TXNDC16: variants seen among roughly 807,000 people sequenced by gnomAD.
TXNDC16 encodes thioredoxin domain containing 16.
In TXNDC16, 74 loss-of-function variants were observed where a neutral mutation model predicts 85.6. That is an observed-to-expected ratio of 0.86 (90% CI 0.72 to 1.05). The LOEUF (loss-of-function observed/expected upper bound fraction) is 1.05. TXNDC16 is among the 50% of genes least tolerant of loss of function. The pLI, the probability that TXNDC16 is intolerant of heterozygous loss-of-function variation, is 0.00. For missense variants in TXNDC16, 959 were observed against 947.0 expected, an observed-to-expected ratio of 1.01 and a Z score of -0.17; for synonymous variants, 335 against 326.5, an observed-to-expected ratio of 1.03 and a Z score of -0.28.
intron 18 of TXNDC16, among the ~76,000 whole-genome samples, chr14:52,443,942 A>G (rs1419028158): frequency 6.6e-6 from 1 of 152,194 alleles, no homozygotes; most frequent in Non-Finnish European, 1.5e-5. Flanking sequence ...GTGATGGTAG[A>G]AGTTATGGGT....
At chr14:52,454,875 T>C (rs1046169591) in intron 18 of TXNDC16, among the ~76,000 whole-genome samples, 2 of 152,130 alleles carry the variant, frequency 1.3e-5, no homozygotes, top group Admixed American at 6.6e-5. Context: ...GACTAAATAA[T>C]ATACACAAAG....
intron 7 of TXNDC16, among the ~76,000 whole-genome samples, chr14:52,515,183 A>C (rs1382017179): frequency 6.6e-6 from 1 of 152,206 alleles, no homozygotes; most frequent in Non-Finnish European, 1.5e-5. Flanking sequence ...ATTCAGAGGG[A>C]GTAGAAAATG....
chr14:52,507,459 G>T (rs924581295), intron 9 of TXNDC16, among the ~76,000 whole-genome samples: 14 of 152,100 alleles, frequency 9.2e-5, no homozygotes, highest in Non-Finnish European at 1.9e-4. Flanking sequence ...TGGGTAGGAA[G>T]AATCAATATC....
chr14:52,529,549 TA>T (rs2037429254), intron 6 of TXNDC16, among the ~76,000 whole-genome samples: 2 of 96,726 alleles, frequency 2.1e-5, no homozygotes, highest in African/African-American at 8.9e-5. Flanking sequence ...CTATTATATA[TA>T]ATATATATAA....
intron 13 of TXNDC16, 143 bp from the exon 14 acceptor site, chr14:52,482,432 G>T: frequency 1.4e-6 from 1 of 703,590 alleles, no homozygotes; most frequent in Non-Finnish European, 2.3e-6. Context: ...TCTCAACATA[G>T]TCCAACCACT....
chr14:52,476,745 A>G (rs2036028906), intron 14 of TXNDC16, among the ~76,000 whole-genome samples: 1 of 152,200 alleles, frequency 6.6e-6, no homozygotes, highest in South Asian at 2.1e-4. Flanking sequence ...TATTTGGAAA[A>G]TATATTTGGG....
intron 20 of TXNDC16, among the ~76,000 whole-genome samples, chr14:52,433,050 G>A (rs755611737): frequency 3.3e-5 from 5 of 152,082 alleles, no homozygotes; most frequent in Non-Finnish European, 7.4e-5. Flanking sequence ...TTATTATAGA[G>A]TTATTTATAC....
chr14:52,487,260 A>G (rs2036292354), intron 12 of TXNDC16, among the ~76,000 whole-genome samples: 1 of 152,338 alleles, frequency 6.6e-6, no homozygotes, highest in African/African-American at 2.4e-5. Context: ...ACCCCTGCAT[A>G]TCGGAAAAGA....
rs1273212652 is a variant in TXNDC16, at chr14:52,439,267, T to C, written c.2131A>G (p.Ile711Val). 9 of 1,613,988 alleles carry C rather than the reference T, an allele frequency of 5.6e-6. No homozygotes were observed. Among genetic ancestry groups the C allele is most frequent in the South Asian group, 1.1e-5 (1 of 91,082 alleles). ...CACAATACAAGGTTTTCTTCAATTATAGCCTGGTCTGAAGGAAATGCAAAT... is the reference window on the plus strand; with the variant it reads ...CACAATACAAGGTTTTCTTCAATTACAGCCTGGTCTGAAGGAAATGCAAAT... ...QVFAFPSDQA[I>V]IEENLVLWLK... Residue 711 changes from isoleucine (I) to valine (V), a missense_variant, in exon 20 of 21, where the codon ATA becomes GTA. Transcript: ENST00000281741.
At chr14:52,481,409 T>C (rs2140143250) in intron 14 of TXNDC16, among the ~76,000 whole-genome samples, 1 of 152,294 alleles carries the variant, frequency 6.6e-6, no homozygotes, top group South Asian at 2.1e-4. Flanking sequence ...AATCAATTTC[T>C]TGAGTTTTCA....
chr14:52,440,458 C>G, intron 19 of TXNDC16, 106 bp downstream of exon 19: 1 of 880,172 alleles, frequency 1.1e-6, no homozygotes, highest in Admixed American at 4.0e-5. Flanking sequence ...ATATTTGGTT[C>G]CATAAAATTA....
chr14:52,446,399 T>C (rs1351019887), intron 18 of TXNDC16, among the ~76,000 whole-genome samples: 2 of 152,174 alleles, frequency 1.3e-5, no homozygotes, highest in Non-Finnish European at 2.9e-5. Context: ...AGAGCAGAAA[T>C]GCCCATCCTA....
At chr14:52,490,492 G>A in intron 10 of TXNDC16, 41 bp from the exon 11 acceptor site, 2 of 1,448,570 alleles carry the variant, frequency 1.4e-6, no homozygotes, top group Non-Finnish European at 1.9e-6. Context: ...TTGCTAATCT[G>A]AAGAATAATA....
chr14:52,511,896 A>G (rs1346241395), intron 8 of TXNDC16, among the ~76,000 whole-genome samples: 1 of 152,162 alleles, frequency 6.6e-6, no homozygotes, highest in East Asian at 1.9e-4. Context: ...TGTATCTGAA[A>G]TATTACAAAA....
chr14:52,496,002 G>GA (rs1049122831), intron 9 of TXNDC16, among the ~76,000 whole-genome samples: 9 of 151,282 alleles, frequency 5.9e-5, no homozygotes, highest in East Asian at 3.9e-4. Flanking sequence ...TACTAAAAAT[G>GA]AAAAAAAATT....
chr14:52,501,103 C>G lies in TXNDC16; in HGVS notation c.757-10098G>C, dbSNP rs76343403. 3.3e-3 allele frequency among the ~76,000 whole-genome samples: 503 copies of G among 152,200 alleles called. 2 individuals are homozygous for G. The highest frequency in any genetic ancestry group is 0.011 in the African/African-American group (474 of 41,534). ...AAAACAACTCCATATCTGGCAGAAT[C>G]TTACTTAACCTATTTAAGATTGAAA... is the stretch of plus-strand genomic sequence containing the variant. On this transcript the variant is annotated intron_variant, in intron 9 of 20. Transcript: ENST00000281741.
At chr14:52,501,581 G>A (rs1342738247) in intron 9 of TXNDC16, among the ~76,000 whole-genome samples, 1 of 152,154 alleles carries the variant, frequency 6.6e-6, no homozygotes, top group Non-Finnish European at 1.5e-5. Flanking sequence ...AGCTTCAGTA[G>A]TACTATGAGA....
At chr14:52,435,336 G>T (rs1046556428) in intron 20 of TXNDC16, among the ~76,000 whole-genome samples, 5 of 149,800 alleles carry the variant, frequency 3.3e-5, no homozygotes, top group African/African-American at 1.2e-4. Flanking sequence ...TACAGTCCAT[G>T]GGAACTCTGT....
At chr14:52,530,727 A>T (rs531231454) in intron 6 of TXNDC16, among the ~76,000 whole-genome samples, 1 of 144,634 alleles carries the variant, frequency 6.9e-6, no homozygotes, top group East Asian at 2.0e-4. Context: ...ATAAGAACAC[A>T]TCAGTATATG....
Sources: gnomAD v4.1 joint callset for allele counts (sites outside exome capture counted in the v4.1 genomes callset) on GRCh38, gnomAD v4.1.1 for gene constraint, MANE v1.5 for transcripts, NCBI Gene and HGNC (gene_info 2026-07-23, HGNC 2026-07-21) for gene names.